Variants in ZFPM2 observed in about 807,000 individuals in gnomAD.
ZFPM2 encodes zinc finger protein, FOG family member 2.
Under a neutral mutation model 98.6 loss-of-function variants are expected in ZFPM2, and 20 were observed. The observed-to-expected ratio is 0.20, with a 90% confidence interval of 0.14 to 0.29. ZFPM2 has a LOEUF of 0.29. Among genes scored for constraint, ZFPM2 ranks in the 10% least tolerant of loss-of-function variants. ZFPM2 has a pLI of 1.00. For synonymous variants in ZFPM2, 518 were observed against 502.7 expected (o/e 1.03, Z -0.41); for missense variants, 1,310 against 1,388.6 (o/e 0.94, Z 0.90).
intron 5 of ZFPM2, among the ~76,000 whole-genome samples, chr8:105,655,050 A>G (rs1303984589): frequency 6.6e-6 from 1 of 152,152 alleles, no homozygotes; most frequent in African/African-American, 2.4e-5. Context: ...CATAGTAATG[A>G]TAAATAAAAT....
rs972200857 is a variant in ZFPM2, at chr8:105,419,354, A to G, written c.199+52A>G. 3 of 1,566,168 alleles carry G rather than the reference A, an allele frequency of 1.9e-6. No homozygotes were observed. In the African/African-American group the frequency reaches 5.2e-5, roughly 27 times the overall value. On this transcript the variant is annotated intron_variant, in intron 2 of 7. Coordinates refer to ENST00000407775, the MANE Select transcript of ZFPM2 (RefSeq NM_012082.4). ...TGTGAGTCCACTTAAATGATTTTGT[A>G]ATGTTTTAAAAAAATGCATAATAGT...
intron 5 of ZFPM2, among the ~76,000 whole-genome samples, chr8:105,635,337 T>A (rs1816825743): frequency 6.6e-6 from 1 of 152,108 alleles, no homozygotes; most frequent in African/African-American, 2.4e-5. Flanking sequence ...CTTAAAAACT[T>A]GCTAGAAACA....
rs768487720 is a variant in ZFPM2, at chr8:105,802,486, T to A, written c.2404T>A (p.Ser802Thr). ...PGIVSKHLET[S>T]LTINKCVPVS... is the part of the protein sequence containing the mutation. ...AATTGTCTCTAAACACTTGGAAACT[T>A]CTCTGACGATCAACAAGTGTGTTCC... The change falls in exon 8 of 8, where the codon TCT becomes ACT. Residue 802 changes from serine (S) to threonine (T), a missense_variant. Ser to Thr is a moderately conservative substitution (Grantham distance 58). Transcript: ENST00000407775. 1 of 1,612,934 alleles carries A rather than the reference T, an allele frequency of 6.2e-7. No homozygotes were observed. Among genetic ancestry groups the A allele is most frequent in the African/African-American group, 1.3e-5 (1 of 75,034 alleles).
intron 3 of ZFPM2, among the ~76,000 whole-genome samples, chr8:105,479,997 T>G (rs984913627): frequency 2.0e-5 from 3 of 152,238 alleles, no homozygotes; most frequent in Non-Finnish European, 2.9e-5. Context: ...GTGAGTCACT[T>G]GAACTCCCCG....
intron 1 of ZFPM2, among the ~76,000 whole-genome samples, chr8:105,334,658 C>T (rs561482303): frequency 2.3e-4 from 35 of 151,696 alleles, no homozygotes; most frequent in African/African-American, 8.4e-4. Flanking sequence ...TTTATCTCCA[C>T]GATGTTGTTT....
At chr8:105,715,574 A>G (rs565203003) in intron 5 of ZFPM2, among the ~76,000 whole-genome samples, 80 of 152,128 alleles carry the variant, frequency 5.3e-4, no homozygotes, top group Admixed American at 5.9e-4. Flanking sequence ...ACAAATATGT[A>G]TATTGTTTAT....
At chr8:105,634,101 A>G (rs547116644) in intron 4 of ZFPM2, 145 bp from the exon 5 acceptor site, 5 of 602,206 alleles carry the variant, frequency 8.3e-6, no homozygotes, top group African/African-American at 3.7e-5. Context: ...TCTTAAAAAG[A>G]TATCATGAGA....
At position 105,622,158 on chromosome 8, in the gene ZFPM2, C is replaced by T. The variant is rs80139798; in HGVS notation, c.421-12088C>T. Among the ~76,000 whole-genome samples, 582 of 151,790 alleles carry T rather than the reference C, an allele frequency of 3.8e-3. 2 individuals are homozygous for T. The highest frequency in any genetic ancestry group is 0.013 in the African/African-American group (549 of 41,434). ...GGCAAAAATAAATAAATAAATAAAA[C>T]AACTTGGCCCAAACTTCAGTGTAAC... On this transcript the variant is annotated intron_variant, in intron 4 of 7. Coordinates refer to ENST00000407775, the MANE Select transcript of ZFPM2 (RefSeq NM_012082.4).
intron 4 of ZFPM2, among the ~76,000 whole-genome samples, chr8:105,604,453 G>A (rs1482974297): frequency 6.6e-6 from 1 of 152,008 alleles, no homozygotes; most frequent in African/African-American, 2.4e-5. Context: ...TTACAGCATG[G>A]TATTCCCAAG....
At chr8:105,712,494 C>G (rs1457121020) in intron 5 of ZFPM2, among the ~76,000 whole-genome samples, 2 of 151,840 alleles carry the variant, frequency 1.3e-5, no homozygotes, top group African/African-American at 4.8e-5. Context: ...GGAATCAAAT[C>G]TTACCAGCTT....
At chr8:105,432,961 G>A (rs1341450332) in intron 2 of ZFPM2, among the ~76,000 whole-genome samples, 1 of 152,042 alleles carries the variant, frequency 6.6e-6, no homozygotes, top group Non-Finnish European at 1.5e-5. Flanking sequence ...AATTAGGTGG[G>A]CATGGTGGCT....
chr8:105,549,039 T>G (rs1814780457), intron 3 of ZFPM2, among the ~76,000 whole-genome samples: 1 of 152,210 alleles, frequency 6.6e-6, no homozygotes, highest in African/African-American at 2.4e-5. Flanking sequence ...GTAGGTCTAT[T>G]GATCACACCT....
intron 3 of ZFPM2, among the ~76,000 whole-genome samples, chr8:105,464,521 G>A (rs28583665): frequency 0.47 from 70,882 of 151,422 alleles, 17,233 homozygotes; most frequent in East Asian, 0.65. Context: ...AAGAGAGAGA[G>A]AAAACCATCA....
chr8:105,536,502 A>G (rs907417656), intron 3 of ZFPM2, among the ~76,000 whole-genome samples: 2 of 152,068 alleles, frequency 1.3e-5, no homozygotes, highest in African/African-American at 2.4e-5. Context: ...ATAATGCTCA[A>G]AAAGAAAACA....
chr8:105,776,171 G>A (rs1425233454), intron 5 of ZFPM2, among the ~76,000 whole-genome samples: 1 of 151,984 alleles, frequency 6.6e-6, no homozygotes, highest in South Asian at 2.1e-4. Flanking sequence ...TTGGGCCAGA[G>A]AATGCCCTCT....
intron 4 of ZFPM2, among the ~76,000 whole-genome samples, chr8:105,627,994 G>A (rs1341059691): frequency 6.6e-6 from 1 of 152,196 alleles, no homozygotes; most frequent in Non-Finnish European, 1.5e-5. Context: ...CTGAGAAATA[G>A]TGGGATTCAG....
chr8:105,504,629 T>C (rs1454120401), intron 3 of ZFPM2, among the ~76,000 whole-genome samples: 1 of 152,176 alleles, frequency 6.6e-6, no homozygotes. Context: ...ATGCAGACAA[T>C]AAGGAATGTT....
At chr8:105,628,539 A>G (rs867683764) in intron 4 of ZFPM2, among the ~76,000 whole-genome samples, 25 of 152,200 alleles carry the variant, frequency 1.6e-4, no homozygotes, top group African/African-American at 5.5e-4. Flanking sequence ...TTCCTCAACC[A>G]CCTACACTGT....
rs150491177 is a variant in ZFPM2, at chr8:105,631,973, A to G, written c.421-2273A>G. On this transcript the variant is annotated intron_variant, in intron 4 of 7. Transcript: ENST00000407775. ...ATAATTATTTTTCGTGAAATAAGAT[A>G]ATCTGGGAAAAATAGGCCAGGTGCC... 2.7e-3 allele frequency among the ~76,000 whole-genome samples: 417 copies of G among 152,284 alleles called. 2 individuals carry two copies. The highest frequency in any genetic ancestry group is 9.4e-3 in the African/African-American group (389 of 41,568).
Sources: gnomAD v4.1 joint callset for allele counts (sites outside exome capture counted in the v4.1 genomes callset) on GRCh38, gnomAD v4.1.1 for gene constraint, MANE v1.5 for transcripts, NCBI Gene and HGNC (gene_info 2026-07-23, HGNC 2026-07-21) for gene names.